Variants in SSUH2 observed in about 807,000 individuals in gnomAD.
The protein encoded by SSUH2 is protein SSUH2 homolog.
In SSUH2, 47 loss-of-function variants were observed where a neutral mutation model predicts 55.3. The observed-to-expected ratio is 0.85, with a 90% confidence interval of 0.67 to 1.08. SSUH2 has a LOEUF of 1.08. SSUH2 is among the 50% of genes least tolerant of loss of function. SSUH2 has a pLI of 0.00. For synonymous variants in SSUH2, 212 were observed against 191.5 expected, an observed-to-expected ratio of 1.11 and a Z score of -0.89; for missense variants, 535 against 490.7, an observed-to-expected ratio of 1.09 and a Z score of -0.85.
chr3:8,673,689 A>T (rs1262140417), intron 3 of SSUH2, among the ~76,000 whole-genome samples: 1 of 152,226 alleles, frequency 6.6e-6, no homozygotes, highest in Non-Finnish European at 1.5e-5. Flanking sequence ...GGCTAGAGGA[A>T]CATGCACCAG....
chr3:8,665,767 G>A (rs920057435), intron 5 of SSUH2, among the ~76,000 whole-genome samples: 1 of 152,142 alleles, frequency 6.6e-6, no homozygotes, highest in African/African-American at 2.4e-5. Context: ...GATGAAAATA[G>A]TTCATTTTCC....
chr3:8,680,434 C>G (rs1255236574), intron 1 of SSUH2, among the ~76,000 whole-genome samples: 1 of 152,002 alleles, frequency 6.6e-6, no homozygotes, highest in East Asian at 1.9e-4. Flanking sequence ...TGTACACCCT[C>G]GGTGTACAGA....
chr3:8,645,334 C>T (rs1416072921), upstream of SSUH2, among the ~76,000 whole-genome samples: 1 of 150,152 alleles, frequency 6.7e-6, no homozygotes, highest in African/African-American at 2.4e-5. Context: ...TGCAAAGCCA[C>T]ACGGCACCTC....
chr3:8,649,857 C>T (rs1227927427), intron 7 of SSUH2, among the ~76,000 whole-genome samples: 1 of 152,154 alleles, frequency 6.6e-6, no homozygotes, highest in Non-Finnish European at 1.5e-5. Context: ...CCCTCCTCTG[C>T]TCAACACCCT....
In SSUH2 at chr3:8,619,846, C is replaced by CAGCA; in HGVS notation, c.*21_*22insTGCT. 1 of 1,610,044 alleles carries CAGCA rather than the reference C, an allele frequency of 6.2e-7. No homozygotes were observed. The highest frequency in any genetic ancestry group is 8.5e-7 in the Non-Finnish European group (1 of 1,178,052). On this transcript the variant is annotated 3_prime_UTR_variant, in exon 12 of 12. Coordinates refer to ENST00000544814, the MANE Select transcript of SSUH2 (RefSeq NM_001256748.3). ...TTCCTTGGCAAACGTGAATGGCAGG[C>CAGCA]TCTGGGGACAGCCATGCTATGTCAC... is the stretch of plus-strand genomic sequence containing the variant.
At chr3:8,648,946 G>C (rs995809216), upstream of SSUH2, among the ~76,000 whole-genome samples, 2 of 151,934 alleles carry the variant, frequency 1.3e-5, no homozygotes, top group African/African-American at 4.8e-5. Context: ...GCCCTCCCAG[G>C]TCCCCTCAGG....
At chr3:8,625,967 G>A (rs1032821065) in intron 9 of SSUH2, among the ~76,000 whole-genome samples, 6 of 152,208 alleles carry the variant, frequency 3.9e-5, no homozygotes, top group Admixed American at 2.0e-4. Flanking sequence ...CTATTCCTAC[G>A]GGAAGGGCTC....
intron 4 of SSUH2, 101 bp downstream of exon 4, chr3:8,633,565 C>G (rs1699300197): frequency 1.0e-6 from 1 of 984,392 alleles, no homozygotes; most frequent in African/African-American, 1.6e-5. Context: ...CCCCAGGACT[C>G]CTTTCCCCTG....
At chr3:8,680,222 A>G (rs984343817) in intron 1 of SSUH2, among the ~76,000 whole-genome samples, 1 of 152,110 alleles carries the variant, frequency 6.6e-6, no homozygotes, top group Non-Finnish European at 1.5e-5. Context: ...CTTGGCAGCA[A>G]CTGCCCTGCT....
intron 1 of SSUH2, among the ~76,000 whole-genome samples, chr3:8,681,676 C>G (rs1289614775): frequency 6.6e-6 from 1 of 150,452 alleles, no homozygotes; most frequent in Non-Finnish European, 1.5e-5. Context: ...AAGTCAGCCC[C>G]TCTTCCCCCC....
intron 3 of SSUH2, among the ~76,000 whole-genome samples, chr3:8,672,859 C>A (rs1358591464): frequency 6.6e-6 from 1 of 152,112 alleles, no homozygotes; most frequent in Admixed American, 6.5e-5. Flanking sequence ...CGTCATACGC[C>A]ATCCTCTGGA....
At chr3:8,646,857 G>A (rs1701739451), upstream of SSUH2, among the ~76,000 whole-genome samples, 1 of 152,208 alleles carries the variant, frequency 6.6e-6, no homozygotes, top group Non-Finnish European at 1.5e-5. Flanking sequence ...ACATCTGACA[G>A]TCATTCTTCC....
At position 8,673,663 on chromosome 3, in the gene SSUH2, C is replaced by A. The variant is rs112741014; in HGVS notation, c.-752-1628G>T. The stretch of plus-strand genomic sequence containing the variant: ...GAAAGGCAAAAGGCGGAGAGGGCTC[C>A]ACGCAGCAACTAAGTGGCTAGAGGA... On this transcript the variant is annotated intron_variant, in intron 3 of 18. Transcript: ENST00000317371. Among the ~76,000 whole-genome samples the A allele has an allele frequency of 7.7e-3, 1,168 of 152,298 alleles. 14 individuals are homozygous for A. Among genetic ancestry groups the A allele is most frequent in the African/African-American group, 0.026 (1,083 of 41,552 alleles).
chr3:8,674,159 C>T (rs762400011), intron 3 of SSUH2, among the ~76,000 whole-genome samples: 6 of 152,114 alleles, frequency 3.9e-5, no homozygotes, highest in African/African-American at 1.4e-4. Flanking sequence ...TCAGGCCTGG[C>T]GAAATGCTGA....
At chr3:8,675,615 T>A (rs1705156743) in intron 3 of SSUH2, among the ~76,000 whole-genome samples, 2 of 152,204 alleles carry the variant, frequency 1.3e-5, no homozygotes, top group South Asian at 4.1e-4. Context: ...GCAGGTCATT[T>A]GCAATCTAGC....
intron 3 of SSUH2, among the ~76,000 whole-genome samples, chr3:8,676,446 G>A (rs2124877093): frequency 6.6e-6 from 1 of 150,816 alleles, no homozygotes; most frequent in African/African-American, 2.4e-5. Context: ...AAATATCCCT[G>A]GGGGGTTTCC....
chr3:8,670,867 C>T (rs764129990), intron 5 of SSUH2: 10 of 195,866 alleles, frequency 5.1e-5, no homozygotes, highest in Non-Finnish European at 1.0e-4. Context: ...GGATGTAGAG[C>T]CCTGGTGATT....
intron 1 of SSUH2, among the ~76,000 whole-genome samples, chr3:8,636,364 C>T (rs1433108652): frequency 6.6e-6 from 1 of 152,104 alleles, no homozygotes; most frequent in Non-Finnish European, 1.5e-5. Context: ...TTGAGTCCAG[C>T]CTTCCAGCTA....
chr3:8,643,512 C>T (rs1402102673), intron 1 of SSUH2, among the ~76,000 whole-genome samples: 1 of 152,192 alleles, frequency 6.6e-6, no homozygotes, highest in Non-Finnish European at 1.5e-5. Context: ...TCCTCCAATA[C>T]ATGCTAAAAT....
Sources: allele counts gnomAD v4.1 joint callset (sites outside exome capture counted in the v4.1 genomes callset), GRCh38; gene constraint gnomAD v4.1.1; transcripts MANE v1.5; gene names NCBI Gene and HGNC (gene_info 2026-07-23, HGNC 2026-07-21).